The following KCNK12 variants were observed in gnomAD, a reference collection of about 807,000 sequenced individuals.
KCNK12 encodes the protein potassium channel subfamily K member 12.
In KCNK12, 6 loss-of-function variants were observed where a neutral mutation model predicts 25.3. The observed-to-expected ratio is 0.24, with a 90% confidence interval of 0.13 to 0.47. The LOEUF is 0.47. KCNK12 is among the 20% of genes least tolerant of loss of function. The probability of loss-of-function intolerance (pLI) is 0.99; values close to 1 mark genes in which losing one functional copy is unlikely to be tolerated. For missense variants in KCNK12, 444 were observed against 661.7 expected (o/e 0.67, Z 3.61); for synonymous variants, 331 against 311.1 (o/e 1.06, Z -0.67).
chr2:47,530,588 G>GT (rs1483164663), intron 1 of KCNK12, among the ~76,000 whole-genome samples: 17 of 152,154 alleles, frequency 1.1e-4, no homozygotes, highest in African/African-American at 4.1e-4. Flanking sequence ...TGCTGCACGC[G>GT]TATCAATTCA....
At chr2:47,543,138 G>A (rs866472569) in intron 1 of KCNK12, among the ~76,000 whole-genome samples, 14 of 152,112 alleles carry the variant, frequency 9.2e-5, no homozygotes, top group African/African-American at 3.4e-4. Context: ...TACTTGAGCA[G>A]ATGTATCAAC....
chr2:47,570,611 G>A lies in KCNK12; in HGVS notation c.-280C>T. 2 of 229,396 alleles carry A rather than the reference G, an allele frequency of 8.7e-6. No homozygotes were observed. Among genetic ancestry groups the A allele is most frequent in the Non-Finnish European group, 8.4e-6 (1 of 119,018 alleles). 14.2% of individuals were successfully genotyped at this position (229,396 alleles called of 1,614,324 possible). ...CCCCGACGCCTCGCCGGCTCCCGCG[G>A]CTCCTTACCCGCCGCTCTCGGGCGC... On this transcript the variant is annotated 5_prime_UTR_variant, in exon 1 of 2. Coordinates refer to ENST00000327876, the MANE Select transcript of KCNK12 (RefSeq NM_022055.2).
chr2:47,532,501 A>G (rs1284074079), intron 1 of KCNK12, among the ~76,000 whole-genome samples: 1 of 152,194 alleles, frequency 6.6e-6, no homozygotes, highest in African/African-American at 2.4e-5. Flanking sequence ...AGCTGGGACT[A>G]CAGGCACCCA....
intron 1 of KCNK12, among the ~76,000 whole-genome samples, chr2:47,553,323 T>C (rs770259490): frequency 6.6e-6 from 1 of 152,246 alleles, no homozygotes; most frequent in Non-Finnish European, 1.5e-5. Flanking sequence ...TGGAATCATA[T>C]AGCAGTTCAG....
rs1024036678 is a variant in KCNK12 at position 47,512,994 on chromosome 2, T to C, written c.*7913A>G. On this transcript the variant is annotated 3_prime_UTR_variant, in exon 2 of 2. Transcript: ENST00000327876. ...TTGGTTCATGGCCACTTTTCCTGAT[T>C]ATCTTGCAGCTATATTAGGTCATGT... 6.5e-5 allele frequency: 10 copies of C among 154,438 alleles called. No homozygotes were observed. Among genetic ancestry groups the C allele is most frequent in the African/African-American group, 2.4e-4 (10 of 41,462 alleles). The allele number at this position is 154,438 out of a possible 1,614,324, so 9.6% of individuals were successfully genotyped here. A position where few individuals can be genotyped will look rare whatever the true frequency, so the allele number is the denominator to read the frequency against.
In KCNK12 at chr2:47,528,864, C is replaced by T. The variant is rs540625035; in HGVS notation, c.392-7056G>A. The stretch of plus-strand genomic sequence containing the variant: ...TGGAGAGGCCAGCACTGATCTGTAT[C>T]GTGCAGCCCTGGGCGGCAGCCTCGG... On this transcript the variant is annotated intron_variant, in intron 1 of 1. Transcript: ENST00000327876. The surrounding 1 kb of genome is among the most constrained non-coding windows in gnomAD (Gnocchi z 4.5). Among the ~76,000 whole-genome samples the T allele has an allele frequency of 7.4e-4, 113 of 152,252 alleles. No homozygotes were observed. The highest frequency in any genetic ancestry group is 3.0e-3 in the Admixed American group (46 of 15,290).
At chr2:47,534,895 C>T (rs1327454734) in intron 1 of KCNK12, 1 of 209,216 alleles carries the variant, frequency 4.8e-6, no homozygotes, top group Non-Finnish European at 9.7e-6. Flanking sequence ...AAGGAAGTCT[C>T]TGGTGGTTTG....
chr2:47,547,685 C>T lies in KCNK12; in HGVS notation c.391+22256G>A, dbSNP rs188200591. Among the ~76,000 whole-genome samples, 11 of 152,246 alleles carry T rather than the reference C, an allele frequency of 7.2e-5. No individual in the cohort carries two copies. The highest frequency in any genetic ancestry group is 2.6e-4 in the African/African-American group (11 of 41,544). Reference sequence around the variant, plus strand: ...TGATCTTGACTCACAGCAACCTCTGCCTCCCTGTTTCAAGCGAGTCTCCTG... The same window carrying T: ...TGATCTTGACTCACAGCAACCTCTGTCTCCCTGTTTCAAGCGAGTCTCCTG... On this transcript the variant is annotated intron_variant, in intron 1 of 1. Coordinates refer to ENST00000327876, the MANE Select transcript of KCNK12 (RefSeq NM_022055.2). The surrounding 1 kb of genome is among the most constrained non-coding windows in gnomAD (Gnocchi z 5.0).
intron 1 of KCNK12, among the ~76,000 whole-genome samples, chr2:47,523,137 T>C (rs1668697516): frequency 1.3e-5 from 2 of 152,248 alleles, no homozygotes; most frequent in African/African-American, 4.8e-5. Flanking sequence ...GTAGTACACC[T>C]GGGCAGACAG....
rs1251938953 is a variant in KCNK12 at position 47,547,821 on chromosome 2, C to T, written c.391+22120G>A. 6.6e-6 allele frequency among the ~76,000 whole-genome samples: 1 copy of T among 152,198 alleles called. No individual in the cohort carries two copies. The highest frequency in any genetic ancestry group is 1.5e-5 in the Non-Finnish European group (1 of 68,034). On this transcript the variant is annotated intron_variant, in intron 1 of 1. Transcript: ENST00000327876. The surrounding 1 kb of genome is among the most constrained non-coding windows in gnomAD (Gnocchi z 5.0). ...CCGTGTTGGCCAGGCTGGTCTCGAA[C>T]TCCTACCACATATAAGTGGTTCTCA...
intron 1 of KCNK12, chr2:47,567,008 C>T (rs1441156056): frequency 3.9e-5 from 6 of 152,204 alleles, no homozygotes; most frequent in Non-Finnish European, 5.9e-5. Context: ...TAATCTCTGC[C>T]ATGCAGAGTA....
chr2:47,531,441 C>G (rs1321786899), intron 1 of KCNK12, among the ~76,000 whole-genome samples: 1 of 151,772 alleles, frequency 6.6e-6, no homozygotes, highest in African/African-American at 2.4e-5. Context: ...CCCTTGCACT[C>G]CAGCCTGGGT....
intron 1 of KCNK12, among the ~76,000 whole-genome samples, chr2:47,544,768 G>A (rs543648633): frequency 6.6e-5 from 10 of 152,316 alleles, no homozygotes; most frequent in African/African-American, 1.7e-4. Context: ...TGTGGGGGAT[G>A]CAGTTGCACT....
Position 47,540,499 on chromosome 2 carries a change from A to G in KCNK12, c.392-18691T>C, listed in dbSNP as rs1053921633. On this transcript the variant is annotated intron_variant, in intron 1 of 1. Coordinates refer to ENST00000327876, the MANE Select transcript of KCNK12 (RefSeq NM_022055.2). This position sits in a 1 kb window ranked among gnomAD's most constrained non-coding sequence, Gnocchi z 5.4. ...GAACGATAGTGCCCTCACTGCCCAC[A>G]GAAGTGCCTTCAGTCAGATTTAGCG... Among the ~76,000 whole-genome samples, 21 of 152,386 alleles carry G rather than the reference A, an allele frequency of 1.4e-4. No individual in the cohort carries two copies. Among genetic ancestry groups the G allele is most frequent in the Admixed American group, 1.2e-3 (19 of 15,314 alleles).
Position 47,538,208 on chromosome 2 carries a change from C to G in KCNK12, c.392-16400G>C, listed in dbSNP as rs1669116943. On this transcript the variant is annotated intron_variant, in intron 1 of 1. Transcript: ENST00000327876. This position sits in a 1 kb window ranked among gnomAD's most constrained non-coding sequence, Gnocchi z 4.5. The stretch of plus-strand genomic sequence containing the variant: ...CCCTACCCTCAAGAAGCTTACATTT[C>G]AGTATGGGAGATGGAATAATAAACT... Among the ~76,000 whole-genome samples, 1 of 152,154 alleles carries G rather than the reference C, an allele frequency of 6.6e-6. No individual in the cohort carries two copies. The highest frequency in any genetic ancestry group is 6.6e-5 in the Admixed American group (1 of 15,266).
chr2:47,528,104 A>G lies in KCNK12; in HGVS notation c.392-6296T>C, dbSNP rs1431772051. On this transcript the variant is annotated intron_variant, in intron 1 of 1. Transcript: ENST00000327876. The surrounding 1 kb of genome is among the most constrained non-coding windows in gnomAD (Gnocchi z 4.5). ...GGTTCAGCTTGCATTCAGCATAACA[A>G]CTTAGCTAGGGAGTGCTGCAGGCCC... 6.6e-6 allele frequency among the ~76,000 whole-genome samples: 1 copy of G among 152,148 alleles called. No individual in the cohort carries two copies. The highest frequency in any genetic ancestry group is 1.9e-4 in the East Asian group (1 of 5,198).
In KCNK12 at chr2:47,519,331, C is replaced by T. The variant is rs1668595014; in HGVS notation, c.*1576G>A. ...TGTTTGTGTGTGTGTGTGTTCCACG[C>T]ACATTTGCCAGGGAGAGAGATTTCA... On this transcript the variant is annotated 3_prime_UTR_variant, in exon 2 of 2. Coordinates refer to ENST00000327876, the MANE Select transcript of KCNK12 (RefSeq NM_022055.2). 6.6e-6 allele frequency: 1 copy of T among 152,186 alleles called. No homozygotes were observed. The highest frequency in any genetic ancestry group is 2.1e-4 in the South Asian group (1 of 4,826). The allele number at this position is 152,186 out of a possible 1,614,324, so 9.4% of individuals were successfully genotyped here.
At chr2:47,531,244 G>A (rs781110793) in intron 1 of KCNK12, among the ~76,000 whole-genome samples, 1 of 152,158 alleles carries the variant, frequency 6.6e-6, no homozygotes, top group Non-Finnish European at 1.5e-5. Context: ...AGGCTGAGGC[G>A]GTTGGATCGC....
chr2:47,557,370 C>T lies in KCNK12; in HGVS notation c.391+12571G>A, dbSNP rs1440941651. 6.6e-6 allele frequency among the ~76,000 whole-genome samples: 1 copy of T among 152,100 alleles called. No individual in the cohort carries two copies. Among genetic ancestry groups the T allele is most frequent in the Non-Finnish European group, 1.5e-5 (1 of 68,024 alleles). ...CCACATGGATGACTCTTGCCAGATG[C>T]CAGAGCCCTCTATCATAAACTTCCC... On this transcript the variant is annotated intron_variant, in intron 1 of 1. Transcript: ENST00000327876. The surrounding 1 kb of genome is among the most constrained non-coding windows in gnomAD (Gnocchi z 4.9).
Sources: gnomAD v4.1 joint callset for allele counts (sites outside exome capture counted in the v4.1 genomes callset) on GRCh38, gnomAD v4.1.1 for gene constraint, Gnocchi (gnomAD v3.1) non-coding constraint, MANE v1.5 for transcripts, NCBI Gene and HGNC (gene_info 2026-07-23, HGNC 2026-07-21) for gene names.